LRRTM3: variants seen among roughly 807,000 people sequenced by gnomAD.
The protein encoded by LRRTM3 is leucine-rich repeat transmembrane neuronal protein 3.
A neutral mutation model predicts 44.7 loss-of-function variants in LRRTM3; 24 were observed. The ratio of observed to expected loss-of-function variants is 0.54; its 90% CI spans 0.39 to 0.76. The LOEUF is 0.76. Ranked by LOEUF, LRRTM3 falls within the 30% of genes least tolerant of loss-of-function variation. LRRTM3 has a pLI of 0.00. For synonymous variants in LRRTM3, 277 were observed against 278.7 expected, an observed-to-expected ratio of 0.99 and a Z score of 0.06; for missense variants, 587 against 702.2, an observed-to-expected ratio of 0.84 and a Z score of 1.85.
At chr10:66,938,272 G>T (rs955407777) in intron 2 of LRRTM3, among the ~76,000 whole-genome samples, 1 of 151,916 alleles carries the variant, frequency 6.6e-6, no homozygotes, top group East Asian at 1.9e-4. Context: ...CAATGTGAGG[G>T]TCAAGAGAAC....
chr10:67,018,801 T>G (rs750152464), intron 2 of LRRTM3, among the ~76,000 whole-genome samples: 54 of 152,212 alleles, frequency 3.5e-4, no homozygotes, highest in Non-Finnish European at 6.9e-4. Flanking sequence ...TCATGGAAGG[T>G]GTTAAGTGTT....
intron 2 of LRRTM3, among the ~76,000 whole-genome samples, chr10:67,043,746 T>C (rs1383311261): frequency 6.6e-6 from 1 of 152,174 alleles, no homozygotes; most frequent in Non-Finnish European, 1.5e-5. Flanking sequence ...TTGGTATTTG[T>C]GCTTTGTTCT....
chr10:67,033,339 C>T (rs1853848385), intron 2 of LRRTM3, among the ~76,000 whole-genome samples: 1 of 152,182 alleles, frequency 6.6e-6, no homozygotes, highest in African/African-American at 2.4e-5. Context: ...TTCCATCAAA[C>T]TGTGGCTCAT....
chr10:66,998,507 CAAAT>C (rs1851489284), intron 2 of LRRTM3, among the ~76,000 whole-genome samples: 1 of 151,666 alleles, frequency 6.6e-6, no homozygotes, highest in Non-Finnish European at 1.5e-5. Context: ...GCAAGACACA[CAAAT>C]AAAATACAAT....
intron 2 of LRRTM3, among the ~76,000 whole-genome samples, chr10:66,950,146 T>C (rs1435584201): frequency 6.6e-6 from 1 of 152,198 alleles, no homozygotes; most frequent in African/African-American, 2.4e-5. Flanking sequence ...GGAACATTGC[T>C]TTTTGACAAA....
chr10:67,034,463 C>T (rs1386039165), intron 2 of LRRTM3, among the ~76,000 whole-genome samples: 1 of 152,194 alleles, frequency 6.6e-6, no homozygotes, highest in Non-Finnish European at 1.5e-5. Context: ...CTTCTAGTGT[C>T]CAGTGCCTAT....
At chr10:67,074,069 C>T (rs1405479037) in intron 2 of LRRTM3, among the ~76,000 whole-genome samples, 4 of 120,490 alleles carry the variant, frequency 3.3e-5, no homozygotes, top group African/African-American at 1.3e-4. Flanking sequence ...CAGAGTCTGG[C>T]TCTGTCTCCA....
chr10:66,986,966 T>C (rs1850763348), intron 2 of LRRTM3, among the ~76,000 whole-genome samples: 1 of 152,136 alleles, frequency 6.6e-6, no homozygotes, highest in Non-Finnish European at 1.5e-5. Flanking sequence ...ATCGTCAGAA[T>C]GGGCCTCACT....
rs1327685339 is a variant in LRRTM3, at chr10:66,989,157, A to G, written c.1536+60705A>G. On this transcript the variant is annotated intron_variant, in intron 2 of 2. Transcript: ENST00000361320. ...GCAAGAAATGAAGAATCCGACTTGG[A>G]GTAAAATCTTTTTGAAGGTAATGCC... Among the ~76,000 whole-genome samples the G allele has an allele frequency of 2.0e-5, 3 of 152,120 alleles. No individual in the cohort carries two copies. In the East Asian group the frequency reaches 5.8e-4, roughly 29 times the overall value.
At chr10:67,040,044 CA>C (rs1250886450) in intron 2 of LRRTM3, among the ~76,000 whole-genome samples, 1 of 152,122 alleles carries the variant, frequency 6.6e-6, no homozygotes, top group Non-Finnish European at 1.5e-5. Flanking sequence ...TGACACTCCA[CA>C]CCCATTCATC....
At chr10:66,964,079 T>G (rs1849270247) in intron 2 of LRRTM3, among the ~76,000 whole-genome samples, 1 of 151,966 alleles carries the variant, frequency 6.6e-6, no homozygotes, top group South Asian at 2.1e-4. Flanking sequence ...CTCGATCTTC[T>G]GACCTCGTGA....
intron 2 of LRRTM3, among the ~76,000 whole-genome samples, chr10:66,975,914 T>C (rs1432999807): frequency 6.6e-6 from 1 of 152,246 alleles, no homozygotes; most frequent in Non-Finnish European, 1.5e-5. Context: ...TAGGAAAATA[T>C]ATAAAAGTCA....
At chr10:67,041,814 T>A (rs1230458405) in intron 2 of LRRTM3, among the ~76,000 whole-genome samples, 2 of 152,070 alleles carry the variant, frequency 1.3e-5, no homozygotes, top group Non-Finnish European at 2.9e-5. Flanking sequence ...AGAATGACAA[T>A]AAAGTGCTGT....
At chr10:66,940,425 G>A (rs1462257947) in intron 2 of LRRTM3, among the ~76,000 whole-genome samples, 2 of 152,132 alleles carry the variant, frequency 1.3e-5, no homozygotes, top group East Asian at 1.9e-4. Context: ...AGTGAGCAAC[G>A]ATTGCACCAC....
intron 2 of LRRTM3, among the ~76,000 whole-genome samples, chr10:67,003,139 C>T (rs1472017855): frequency 3.9e-5 from 6 of 152,112 alleles, no homozygotes; most frequent in African/African-American, 1.2e-4. Flanking sequence ...CTATGCATCC[C>T]GCCACAGTGA....
intron 2 of LRRTM3, among the ~76,000 whole-genome samples, chr10:66,937,444 T>G (rs1404480026): frequency 6.6e-6 from 1 of 152,212 alleles, no homozygotes; most frequent in African/African-American, 2.4e-5. Context: ...TACTTTCTCC[T>G]TCCCTTCATT....
chr10:66,974,538 G>C (rs1849916695), intron 2 of LRRTM3, among the ~76,000 whole-genome samples: 1 of 152,120 alleles, frequency 6.6e-6, no homozygotes, highest in South Asian at 2.1e-4. Flanking sequence ...GTAATTACTG[G>C]TTCGTAGTGT....
chr10:67,100,436 G>T lies in LRRTM3; in HGVS notation c.*2640G>T, dbSNP rs1172942641. ...TTGCCATGTCCAGGTTAAGGGTGAG[G>T]GTGGTGACAATCTGAAAGACTGTGT... On this transcript the variant is annotated 3_prime_UTR_variant, in exon 3 of 3. Coordinates refer to ENST00000361320, the MANE Select transcript of LRRTM3 (RefSeq NM_178011.5). Among the ~76,000 whole-genome samples the T allele has an allele frequency of 6.6e-6, 1 of 151,610 alleles. No homozygotes were observed. The highest frequency in any genetic ancestry group is 2.4e-5 in the African/African-American group (1 of 41,334).
chr10:66,990,357 A>C (rs1336248425), intron 2 of LRRTM3, among the ~76,000 whole-genome samples: 2 of 152,170 alleles, frequency 1.3e-5, no homozygotes, highest in Non-Finnish European at 2.9e-5. Flanking sequence ...CTCTATGCTG[A>C]ATTAACCACA....
Sources: allele counts gnomAD v4.1 joint callset (sites outside exome capture counted in the v4.1 genomes callset), GRCh38; gene constraint gnomAD v4.1.1; transcripts MANE v1.5; gene names NCBI Gene and HGNC (gene_info 2026-07-23, HGNC 2026-07-21).